Variants in TMCO5A observed in about 807,000 individuals in gnomAD.
The protein encoded by TMCO5A is transmembrane and coiled-coil domain-containing protein 5A.
A neutral mutation model predicts 42.3 loss-of-function variants in TMCO5A; 34 were observed. The observed-to-expected ratio is 0.80, with a 90% CI of 0.61 to 1.07. The LOEUF (loss-of-function observed/expected upper bound fraction) is 1.07, where lower values mean the gene tolerates loss of function less well. TMCO5A is among the 50% of genes least tolerant of loss of function. The pLI is 0.00. For synonymous variants in TMCO5A, 131 were observed against 115.6 expected (o/e 1.13, Z -0.86); for missense variants, 357 against 327.9 (o/e 1.09, Z -0.69).
chr15:38,034,032 T>A, the TMCO5A span, among the ~76,000 whole-genome samples: 1 of 152,180 alleles, frequency 6.6e-6, no homozygotes, highest in Non-Finnish European at 1.5e-5. Context: ...AAGTTCAAGA[T>A]CAAGGCACCA....
intron 5 of TMCO5A, among the ~76,000 whole-genome samples, chr15:37,937,954 A>G (rs1889583637): frequency 6.6e-6 from 1 of 152,024 alleles, no homozygotes; most frequent in African/African-American, 2.4e-5. Flanking sequence ...TCCTGCTTTG[A>G]GTGGACTCTA....
the TMCO5A span, among the ~76,000 whole-genome samples, chr15:38,036,324 T>A: frequency 1.3e-5 from 2 of 152,166 alleles, no homozygotes; most frequent in African/African-American, 4.8e-5. Context: ...CTACATGTAC[T>A]ATCTCTTATC....
At position 37,951,163 on chromosome 15, in the gene TMCO5A, A is replaced by G. The variant is rs1890144136; in HGVS notation, c.796A>G (p.Thr266Ala). 2 of 1,613,742 alleles carry G rather than the reference A, an allele frequency of 1.2e-6. No individual in the cohort carries two copies. Among genetic ancestry groups the G allele is most frequent in the Admixed American group, 3.3e-5 (2 of 59,950 alleles). Residue 266 changes from threonine to alanine, a missense_variant, in exon 12 of 12, where the codon ACC (threonine) becomes GCC (alanine). By Grantham distance (58) the Thr-to-Ala change is moderately conservative. Coordinates refer to ENST00000319669, the MANE Select transcript of TMCO5A (RefSeq NM_152453.4). ...ACTGCCCAAGGTACTGGGCAGGAGC[A>G]CCTTGTGGAAGCTCAGATGCTTCTT... ...NVLPKVLGRS[T>A]LWKLRCFFFP...
At chr15:37,986,652 T>G in the TMCO5A span, among the ~76,000 whole-genome samples, 1 of 151,966 alleles carries the variant, frequency 6.6e-6, no homozygotes, top group African/African-American at 2.4e-5. Context: ...CCAATTTACT[T>G]TCTATGAATT....
At chr15:38,037,870 TG>T in the TMCO5A span, among the ~76,000 whole-genome samples, 1 of 151,844 alleles carries the variant, frequency 6.6e-6, no homozygotes, top group African/African-American at 2.4e-5. Flanking sequence ...AAAATTAGCC[TG>T]GCATGGTGGC....
the TMCO5A span, among the ~76,000 whole-genome samples, chr15:38,011,331 G>T: frequency 6.6e-6 from 1 of 152,144 alleles, no homozygotes; most frequent in Non-Finnish European, 1.5e-5. Context: ...CTTGTCACAC[G>T]TGTCCCTTCA....
chr15:37,937,035 A>G (rs1889542905), intron 4 of TMCO5A, 65 bp downstream of exon 4: 2 of 1,594,560 alleles, frequency 1.3e-6, no homozygotes, highest in African/African-American at 2.7e-5. Flanking sequence ...TTCATCAATT[A>G]TCAGATAAGC....
chr15:38,031,382 T>A, the TMCO5A span, among the ~76,000 whole-genome samples: 76 of 152,220 alleles, frequency 5.0e-4, no homozygotes, highest in Middle Eastern at 0.01. Flanking sequence ...CCGCATTGTA[T>A]CAATATTAGT....
At chr15:37,947,998 C>G (rs748977448) in intron 11 of TMCO5A, among the ~76,000 whole-genome samples, 44 of 152,032 alleles carry the variant, frequency 2.9e-4, no homozygotes, top group Non-Finnish European at 5.7e-4. Context: ...TATTTACTGC[C>G]TTTTCCCTTT....
chr15:37,959,172 G>A (rs1180307181), intron 11 of TMCO5A, among the ~76,000 whole-genome samples: 1 of 151,960 alleles, frequency 6.6e-6, no homozygotes, highest in Non-Finnish European at 1.5e-5. Context: ...TGTAGATTAT[G>A]GGTTGATGGG....
chr15:37,998,482 C>G, the TMCO5A span, among the ~76,000 whole-genome samples: 1 of 152,128 alleles, frequency 6.6e-6, no homozygotes, highest in Admixed American at 6.5e-5. Flanking sequence ...GTGTTCTTGG[C>G]ACCTTTGTCA....
the TMCO5A span, among the ~76,000 whole-genome samples, chr15:38,002,427 A>C: frequency 2.0e-5 from 3 of 150,898 alleles, no homozygotes; most frequent in Non-Finnish European, 4.4e-5. Flanking sequence ...CCACCCTGGT[A>C]TCTCTCTCTC....
the TMCO5A span, among the ~76,000 whole-genome samples, chr15:37,987,094 C>A: frequency 1.3e-5 from 2 of 151,996 alleles, no homozygotes; most frequent in African/African-American, 4.8e-5. Flanking sequence ...TGATAGTAGT[C>A]ATCCTAATGT....
intron 11 of TMCO5A, among the ~76,000 whole-genome samples, chr15:37,964,385 C>A (rs1167654064): frequency 1.3e-5 from 2 of 152,108 alleles, no homozygotes; most frequent in Non-Finnish European, 2.9e-5. Flanking sequence ...GATACCAACA[C>A]AGTATTTGGG....
chr15:37,983,923 G>T, the TMCO5A span, among the ~76,000 whole-genome samples: 1 of 151,902 alleles, frequency 6.6e-6, no homozygotes, highest in African/African-American at 2.4e-5. Flanking sequence ...CGTAGAGACG[G>T]GGTTTCACCA....
chr15:37,981,195 G>A, the TMCO5A span, among the ~76,000 whole-genome samples: 57 of 81,958 alleles, frequency 7.0e-4, no homozygotes, highest in African/African-American at 3.1e-3. Flanking sequence ...GGTAGAGAAA[G>A]CCAGCAAAAA....
chr15:38,029,687 T>A, the TMCO5A span, among the ~76,000 whole-genome samples: 1 of 152,152 alleles, frequency 6.6e-6, no homozygotes, highest in African/African-American at 2.4e-5. Context: ...TGGGCTCAAG[T>A]GATCCACCTG....
chr15:38,038,759 G>A, the TMCO5A span, among the ~76,000 whole-genome samples: 1 of 152,164 alleles, frequency 6.6e-6, no homozygotes, highest in African/African-American at 2.4e-5. Context: ...CTGGGTTTCA[G>A]ACATTCATTT....
chr15:38,001,306 T>C, the TMCO5A span, among the ~76,000 whole-genome samples: 1 of 152,088 alleles, frequency 6.6e-6, no homozygotes, highest in Non-Finnish European at 1.5e-5. Flanking sequence ...TTTTGTATGA[T>C]ATAAATATGG....
Sources: gnomAD v4.1 joint callset for allele counts (sites outside exome capture counted in the v4.1 genomes callset) on GRCh38, gnomAD v4.1.1 for gene constraint, MANE v1.5 for transcripts, NCBI Gene and HGNC (gene_info 2026-07-23, HGNC 2026-07-21) for gene names.